ADAMTSL1: variants seen among roughly 807,000 people sequenced by gnomAD.
ADAMTSL1 encodes ADAMTS-like protein 1.
In ADAMTSL1, 126 loss-of-function variants were observed where a neutral mutation model predicts 201.8. The observed-to-expected ratio is 0.62, with a 90% CI of 0.54 to 0.72. ADAMTSL1 has a LOEUF of 0.72. Among genes scored for constraint, ADAMTSL1 ranks in the 30% least tolerant of loss-of-function variants. ADAMTSL1 has a pLI of 0.00. For synonymous variants in ADAMTSL1, 1,121 were observed against 903.4 expected (o/e 1.24, Z -4.32); for missense variants, 2,679 against 2,277.8 (o/e 1.18, Z -3.59).
At chr9:18,598,471 C>T (rs894964990) in intron 4 of ADAMTSL1, among the ~76,000 whole-genome samples, 4 of 152,044 alleles carry the variant, frequency 2.6e-5, no homozygotes, top group Admixed American at 1.3e-4. Flanking sequence ...CATTTTTGTT[C>T]GTCTCTTTTT....
intron 2 of ADAMTSL1, among the ~76,000 whole-genome samples, chr9:18,176,710 A>G (rs1828177522): frequency 6.6e-6 from 1 of 152,210 alleles, no homozygotes; most frequent in Admixed American, 6.5e-5. Flanking sequence ...ATAGGTACTA[A>G]CAGGGGATAT....
intron 1 of ADAMTSL1, among the ~76,000 whole-genome samples, chr9:18,041,171 T>G (rs1386278751): frequency 2.0e-5 from 3 of 152,174 alleles, no homozygotes; most frequent in Non-Finnish European, 4.4e-5. Flanking sequence ...ATTTAACACA[T>G]GTAGCTACAG....
chr9:18,287,630 C>CTATGTGT (rs1563860083), intron 2 of ADAMTSL1, among the ~76,000 whole-genome samples: 1 of 140,916 alleles, frequency 7.1e-6, no homozygotes, highest in African/African-American at 2.6e-5. Context: ...TATACATATA[C>CTATGTGT]GCATATATGT....
At chr9:18,121,324 C>G (rs995145625) in intron 1 of ADAMTSL1, among the ~76,000 whole-genome samples, 6 of 152,024 alleles carry the variant, frequency 3.9e-5, no homozygotes, top group Non-Finnish European at 7.4e-5. Context: ...ACAGTTACAC[C>G]GACAAAAAAC....
At chr9:18,864,302 C>G (rs373684786) in intron 23 of ADAMTSL1, among the ~76,000 whole-genome samples, 2 of 152,140 alleles carry the variant, frequency 1.3e-5, no homozygotes, top group Non-Finnish European at 2.9e-5. Flanking sequence ...GGAGAAAAAA[C>G]GTGCACTCAG....
chr9:18,134,941 T>C (rs1826096428), intron 1 of ADAMTSL1, among the ~76,000 whole-genome samples: 1 of 152,130 alleles, frequency 6.6e-6, no homozygotes, highest in Admixed American at 6.6e-5. Flanking sequence ...GTCAGTGTCA[T>C]TAGAAAATTG....
At chr9:18,239,807 G>A (rs1353489182) in intron 2 of ADAMTSL1, among the ~76,000 whole-genome samples, 1 of 151,488 alleles carries the variant, frequency 6.6e-6, no homozygotes, top group Non-Finnish European at 1.5e-5. Context: ...AAGAAAGAAG[G>A]AAAGAAGGAG....
chr9:18,389,112 A>C (rs1463891711), intron 2 of ADAMTSL1, among the ~76,000 whole-genome samples: 2 of 152,014 alleles, frequency 1.3e-5, no homozygotes, highest in East Asian at 3.9e-4. Context: ...AAATTTGTGA[A>C]TATTTCTACC....
intron 7 of ADAMTSL1, among the ~76,000 whole-genome samples, chr9:18,646,858 G>A (rs537867035): frequency 2.0e-5 from 3 of 151,908 alleles, no homozygotes; most frequent in African/African-American, 7.2e-5. Flanking sequence ...CTCTTTTTTT[G>A]TTGTGTCTCT....
chr9:18,073,603 T>G (rs917763727), intron 1 of ADAMTSL1, among the ~76,000 whole-genome samples: 24 of 152,304 alleles, frequency 1.6e-4, no homozygotes, highest in African/African-American at 5.8e-4. Flanking sequence ...TCTTAGTCTT[T>G]CTTGGGTGAA....
At chr9:18,008,553 T>A (rs1819923585) in intron 1 of ADAMTSL1, among the ~76,000 whole-genome samples, 1 of 151,922 alleles carries the variant, frequency 6.6e-6, no homozygotes, top group Non-Finnish European at 1.5e-5. Flanking sequence ...CACAAATTAC[T>A]CATGCAGAAG....
At chr9:18,114,069 A>T (rs894169083) in intron 1 of ADAMTSL1, among the ~76,000 whole-genome samples, 4 of 152,304 alleles carry the variant, frequency 2.6e-5, no homozygotes, top group Non-Finnish European at 5.9e-5. Flanking sequence ...GGTAAGAAAA[A>T]TATGAGGAAA....
chr9:18,304,070 T>C (rs919176597), intron 2 of ADAMTSL1, among the ~76,000 whole-genome samples: 6 of 152,224 alleles, frequency 3.9e-5, no homozygotes, highest in African/African-American at 7.2e-5. Context: ...GGTCTATTTA[T>C]GTATCAATTT....
chr9:18,584,767 A>C (rs7855730), intron 4 of ADAMTSL1, among the ~76,000 whole-genome samples: 2,119 of 152,242 alleles, frequency 0.014, 60 homozygotes, highest in African/African-American at 0.049. Context: ...AAATTTACTC[A>C]GTATTGGTGG....
In ADAMTSL1 at chr9:18,826,416, C is replaced by G. The variant is rs370388564; in HGVS notation, c.4067C>G (p.Ala1356Gly). 6.2e-7 allele frequency: 1 copy of G among 1,613,832 alleles called. No individual in the cohort carries two copies. The highest frequency in any genetic ancestry group is 2.2e-5 in the East Asian group (1 of 44,874). ...CAGGGCCTGTACTCCTGCAGGGCGG[C>G]CAATCTTCATGGAGAGCTGACTGAG... Reference protein sequence around the residue: ...SDQGLYSCRAANLHGELTEST... With the variant: ...SDQGLYSCRAGNLHGELTEST... The change falls in exon 22 of 29, where the codon GCC (alanine) becomes GGC (glycine). Residue 1356 changes from alanine to glycine, a missense_variant. Ala to Gly is a moderately conservative substitution (Grantham distance 60). Coordinates refer to ENST00000380548, the MANE Select transcript of ADAMTSL1 (RefSeq NM_001040272.6).
At chr9:18,627,093 A>C (rs1471713888) in intron 5 of ADAMTSL1, among the ~76,000 whole-genome samples, 1 of 151,678 alleles carries the variant, frequency 6.6e-6, no homozygotes, top group Non-Finnish European at 1.5e-5. Context: ...TGATCCTCCC[A>C]CTTCAGCCTC....
At chr9:18,325,585 A>C (rs1834798546) in intron 2 of ADAMTSL1, among the ~76,000 whole-genome samples, 1 of 152,148 alleles carries the variant, frequency 6.6e-6, no homozygotes. Context: ...AAAGAATGGA[A>C]ATTTATTTCT....
At chr9:18,390,590 G>C (rs75903707) in intron 2 of ADAMTSL1, among the ~76,000 whole-genome samples, 7,177 of 152,246 alleles carry the variant, frequency 0.047, 183 homozygotes, top group Middle Eastern at 0.078. Flanking sequence ...AGCGTGCAGA[G>C]CCACATGCTG....
At chr9:18,402,379 C>T (rs189634101) in intron 2 of ADAMTSL1, among the ~76,000 whole-genome samples, 33 of 152,296 alleles carry the variant, frequency 2.2e-4, no homozygotes, top group Middle Eastern at 3.4e-3. Flanking sequence ...CATTGGTGTG[C>T]TCTCATCTTT....
Sources: gnomAD v4.1 joint callset for allele counts (sites outside exome capture counted in the v4.1 genomes callset) on GRCh38, gnomAD v4.1.1 for gene constraint, MANE v1.5 for transcripts, NCBI Gene and HGNC (gene_info 2026-07-23, HGNC 2026-07-21) for gene names.